CHMP6: variants seen among roughly 807,000 people sequenced by gnomAD.
The protein encoded by CHMP6 is chromatin-modifying protein 6.
In CHMP6, 10 loss-of-function variants were observed where a neutral mutation model predicts 32.8. The observed-to-expected ratio is 0.30, with a 90% CI of 0.19 to 0.52. CHMP6 has a LOEUF of 0.52. CHMP6 is among the 20% of genes least tolerant of loss of function. CHMP6 has a pLI of 0.97. For synonymous variants in CHMP6, 123 were observed against 105.8 expected, an observed-to-expected ratio of 1.16 and a Z score of -1.00; for missense variants, 269 against 263.8, an observed-to-expected ratio of 1.02 and a Z score of -0.14.
rs570261027 is a variant in CHMP6, at chr17:80,995,221, G to C, written c.261+115G>C. The C allele has an allele frequency of 2.0e-3, 2,044 of 1,011,510 alleles. 5 individuals are homozygous for C. The highest frequency in any genetic ancestry group is 1.9e-3 in the Non-Finnish European group (1,306 of 685,556). 62.7% of individuals were successfully genotyped at this position (1,011,510 alleles called of 1,614,324 possible). A position where few individuals can be genotyped will look rare whatever the true frequency, so the allele number is the denominator to read the frequency against. Reference sequence around the variant, plus strand: ...GCTGAAAGCTCCTCTCAGATGCCTCGGGCTGAAGCTGACCTGAAGAGGGGC... The same window carrying C: ...GCTGAAAGCTCCTCTCAGATGCCTCCGGCTGAAGCTGACCTGAAGAGGGGC... On this transcript the variant is annotated intron_variant, in intron 3 of 7. Coordinates refer to ENST00000325167, the MANE Select transcript of CHMP6 (RefSeq NM_024591.5).
rs913000819 is a variant in CHMP6 at position 80,997,353 on chromosome 17, C to G, written c.495+12C>G. Reference sequence around the variant, plus strand: ...GCGCAATCACTCAGGTAACGGCCCCCCCGGGACTGAGCACAGTCACTCAGG... The same window carrying G: ...GCGCAATCACTCAGGTAACGGCCCCGCCGGGACTGAGCACAGTCACTCAGG... On this transcript the variant is annotated intron_variant, in intron 6 of 7. Transcript: ENST00000325167. 1.9e-6 allele frequency: 3 copies of G among 1,609,980 alleles called. No homozygotes were observed. Among genetic ancestry groups the G allele is most frequent in the Non-Finnish European group, 1.7e-6 (2 of 1,177,924 alleles).
intron 1 of CHMP6, among the ~76,000 whole-genome samples, chr17:80,992,224 C>A (rs1031370932): frequency 6.6e-6 from 1 of 151,634 alleles, no homozygotes; most frequent in East Asian, 1.9e-4. Flanking sequence ...CGCGCGTCCG[C>A]CTCTGCGAGC....
chr17:80,999,264 T>A lies in CHMP6; in HGVS notation c.*111T>A, dbSNP rs1315141231. The A allele has an allele frequency of 1.6e-6, 2 of 1,257,658 alleles. No homozygotes were observed. The highest frequency in any genetic ancestry group is 1.5e-5 in the African/African-American group (1 of 67,588). The allele number at this position is 1,257,658 out of a possible 1,614,324, so 77.9% of individuals were successfully genotyped here. A position where few individuals can be genotyped will look rare whatever the true frequency, so the allele number is the denominator to read the frequency against. Reference sequence around the variant, plus strand: ...GTTCCCTGGAGCCCAGTGCGCACGGTGCTGAGCAGAGCTGCAGCCACGCAG... The same window carrying A: ...GTTCCCTGGAGCCCAGTGCGCACGGAGCTGAGCAGAGCTGCAGCCACGCAG... On this transcript the variant is annotated 3_prime_UTR_variant, in exon 8 of 8. Transcript: ENST00000325167.
intron 4 of CHMP6, among the ~76,000 whole-genome samples, chr17:80,996,018 C>T (rs1320150518): frequency 1.3e-5 from 2 of 152,052 alleles, no homozygotes; most frequent in Non-Finnish European, 2.9e-5. Context: ...GGCTGGCAAA[C>T]TAATCACAGA....
rs2069646502 is a variant in CHMP6, at chr17:80,997,326, G to A, written c.480G>A (p.Leu160=). The change falls in exon 6 of 8, where the codon CTG becomes CTA. Residue 160 remains leucine, a synonymous_variant. Transcript: ENST00000325167. ...ATGAAGACGCCATCCTGGAGGAGCT[G>A]AGCGCAATCACTCAGGTAACGGCCC... ...QEDEDAILEE[L]SAITQEQIEL... is the part of the protein sequence containing the mutation. 6 of 1,611,704 alleles carry A rather than the reference G, an allele frequency of 3.7e-6. No homozygotes were observed. The East Asian group carries it at 6.7e-5, about 18-fold the overall frequency.
At chr17:80,994,543 G>A (rs1452782042) in intron 1 of CHMP6, 38 bp from the exon 2 acceptor site, 1 of 1,529,184 alleles carries the variant, frequency 6.5e-7, no homozygotes, top group Admixed American at 2.0e-5. Flanking sequence ...GGCTCCCAGT[G>A]TGGGCTCGGT....
chr17:80,995,656 C>G lies in CHMP6; in HGVS notation c.262-16C>G. 6.2e-7 allele frequency: 1 copy of G among 1,613,044 alleles called. No homozygotes were observed. Among genetic ancestry groups the G allele is most frequent in the Non-Finnish European group, 8.5e-7 (1 of 1,179,058 alleles). On this transcript the variant is annotated splice_polypyrimidine_tract_variant and intron_variant, in intron 3 of 7. Transcript: ENST00000325167. ...CGGATCCTCAGCACCTGCGTCTGCTCTGGTTTCCTTTTCAGGTTCAGAGTA... is the reference window on the plus strand; with the variant it reads ...CGGATCCTCAGCACCTGCGTCTGCTGTGGTTTCCTTTTCAGGTTCAGAGTA...
At position 80,995,016 on chromosome 17, in the gene CHMP6, C is replaced by T; in HGVS notation, c.174-3C>T. 3 of 1,590,712 alleles carry T rather than the reference C, an allele frequency of 1.9e-6. No individual in the cohort carries two copies. Among genetic ancestry groups the T allele is most frequent in the Non-Finnish European group, 2.6e-6 (3 of 1,170,814 alleles). ...CGGGTCACTCTCGGGCTTCCCTCTGCAGACGGGCCAAGCTGCTGCTCAAGA... is the reference window on the plus strand; with the variant it reads ...CGGGTCACTCTCGGGCTTCCCTCTGTAGACGGGCCAAGCTGCTGCTCAAGA... On this transcript the variant is annotated splice_region_variant and splice_polypyrimidine_tract_variant and intron_variant, in intron 2 of 7. Transcript: ENST00000325167.
intron 6 of CHMP6, among the ~76,000 whole-genome samples, chr17:80,997,545 C>T (rs769503428): frequency 2.0e-5 from 3 of 152,086 alleles, no homozygotes; most frequent in Non-Finnish European, 2.9e-5. Flanking sequence ...AGGCTGGCCC[C>T]GTGCCCTGGA....
rs776677785 is a variant in CHMP6 at position 80,995,010 on chromosome 17, C to T, written c.174-9C>T. 6.3e-7 allele frequency: 1 copy of T among 1,588,120 alleles called. No homozygotes were observed. Among genetic ancestry groups the T allele is most frequent in the South Asian group, 1.2e-5 (1 of 86,752 alleles). On this transcript the variant is annotated splice_polypyrimidine_tract_variant and intron_variant, in intron 2 of 7. Coordinates refer to ENST00000325167, the MANE Select transcript of CHMP6 (RefSeq NM_024591.5). ...CCACAGCGGGTCACTCTCGGGCTTC[C>T]CTCTGCAGACGGGCCAAGCTGCTGC...
chr17:80,996,236 CTT>C (rs1368566082), intron 4 of CHMP6, among the ~76,000 whole-genome samples: 1 of 151,872 alleles, frequency 6.6e-6, no homozygotes, highest in African/African-American at 2.4e-5. Context: ...AGGAGAATCT[CTT>C]GAACCGGGAG....
intron 6 of CHMP6, 48 bp from the exon 7 acceptor site, chr17:80,998,318 G>C: frequency 1.9e-6 from 3 of 1,608,780 alleles, no homozygotes; most frequent in Non-Finnish European, 2.6e-6. Context: ...CAGGCAGCCC[G>C]GGGCAGACCT....
chr17:80,995,009 C>G lies in CHMP6; in HGVS notation c.174-10C>G, dbSNP rs1211731403. The G allele has an allele frequency of 6.3e-7, 1 of 1,587,664 alleles. No homozygotes were observed. On this transcript the variant is annotated splice_polypyrimidine_tract_variant and intron_variant, in intron 2 of 7. Coordinates refer to ENST00000325167, the MANE Select transcript of CHMP6 (RefSeq NM_024591.5). ...GCCACAGCGGGTCACTCTCGGGCTT[C>G]CCTCTGCAGACGGGCCAAGCTGCTG...
Position 80,998,351 on chromosome 17 carries a change from C to T in CHMP6, c.496-15C>T. 1.9e-6 allele frequency: 3 copies of T among 1,614,160 alleles called. No homozygotes were observed. The highest frequency in any genetic ancestry group is 1.1e-5 in the South Asian group (1 of 91,086). ...CCTGTCACCTGCTCATAGCCTTACC[C>T]TTTGCTTCTTGCAGGAACAAATAGA... On this transcript the variant is annotated splice_polypyrimidine_tract_variant and intron_variant, in intron 6 of 7. Transcript: ENST00000325167.
chr17:80,995,584 AAGGGTGTCATCCT>A, intron 3 of CHMP6, 75 bp from the exon 4 acceptor site: 1 of 1,128,834 alleles, frequency 8.9e-7, no homozygotes, highest in African/African-American at 1.5e-5. Flanking sequence ...CCCGCCCAGC[AAGGGTGTCATCCT>A]GAACCCTGCC....
intron 1 of CHMP6, among the ~76,000 whole-genome samples, chr17:80,992,458 G>A (rs1466743074): frequency 6.6e-6 from 1 of 152,220 alleles, no homozygotes; most frequent in Non-Finnish European, 1.5e-5. Flanking sequence ...CGGTGCTGCC[G>A]GCTTCGCGAG....
rs150171612 is a variant in CHMP6, at chr17:80,997,057, C to T, written c.399C>T (p.Ala133=). The change falls in exon 5 of 8, where the codon GCC becomes GCT. Residue 133 remains alanine, a synonymous_variant. Coordinates refer to ENST00000325167, the MANE Select transcript of CHMP6 (RefSeq NM_024591.5). The stretch of plus-strand genomic sequence containing the variant: ...GGATCCTGGACGAGACGCAGGAGGC[C>T]GTGGAGTACCAGCGGGTAGGTGGCA... ...VERILDETQE[A]VEYQRQIDEL... is the part of the protein sequence containing the mutation. 2.0e-5 allele frequency: 33 copies of T among 1,613,822 alleles called. No individual in the cohort carries two copies. In the Admixed American group the frequency reaches 4.3e-4, roughly 21 times the overall value.
intron 6 of CHMP6, 61 bp from the exon 7 acceptor site, chr17:80,998,305 G>A (rs2069656420): frequency 6.3e-7 from 1 of 1,593,130 alleles, no homozygotes; most frequent in African/African-American, 1.3e-5. Context: ...TCTCGGGGAG[G>A]CCCAGGCAGC....
chr17:80,997,294 CAGG>C lies in CHMP6; in HGVS notation c.453_455del (p.Glu151del). 1 of 1,611,534 alleles carries C rather than the reference CAGG, an allele frequency of 6.2e-7. No individual in the cohort carries two copies. Among genetic ancestry groups the C allele is most frequent in the Admixed American group, 1.7e-5 (1 of 59,744 alleles). ...CGAGCTCCTGGCAGGAAGCTTCACT[CAGG>C]AGGATGAAGACGCCATCCTGGAGGA... On this transcript the variant is annotated inframe_deletion, in exon 6 of 8. Transcript: ENST00000325167.
Sources: allele counts gnomAD v4.1 joint callset (sites outside exome capture counted in the v4.1 genomes callset), GRCh38; gene constraint gnomAD v4.1.1; transcripts MANE v1.5; gene names NCBI Gene and HGNC (gene_info 2026-07-23, HGNC 2026-07-21).